Variants in WDR74 observed in about 807,000 individuals in gnomAD.
WDR74 encodes the protein WD repeat-containing protein 74.
In WDR74, 31 loss-of-function variants were observed where a neutral mutation model predicts 45.6. The observed-to-expected ratio is 0.68, with a 90% confidence interval of 0.51 to 0.92. The LOEUF (loss-of-function observed/expected upper bound fraction) is 0.92. Ranked by LOEUF, WDR74 falls within the 40% of genes least tolerant of loss-of-function variation. WDR74 has a pLI of 0.00. For synonymous variants in WDR74, 191 were observed against 192.4 expected (o/e 0.99, Z 0.06); for missense variants, 455 against 497.2 (o/e 0.92, Z 0.81).
chr11:62,838,151 C>T (rs2084985752), intron 3 of WDR74, among the ~76,000 whole-genome samples: 1 of 151,986 alleles, frequency 6.6e-6, no homozygotes, highest in South Asian at 2.1e-4. Context: ...ATGCTTAAAA[C>T]TTTTTTTGTT....
At chr11:62,833,741 G>C in intron 9 of WDR74, 51 bp downstream of exon 9, 2 of 1,602,840 alleles carry the variant, frequency 1.2e-6, no homozygotes, top group Admixed American at 3.5e-5. Context: ...GAGGGCACAG[G>C]AGGCGGGGCC....
At chr11:62,834,213 A>G in intron 8 of WDR74, 63 bp downstream of exon 8, 1 of 1,609,350 alleles carries the variant, frequency 6.2e-7, no homozygotes, top group Non-Finnish European at 8.5e-7. Context: ...GCACCACCTT[A>G]GAGGGAATCC....
Position 62,835,723 on chromosome 11 carries a change from G to C in WDR74, c.488C>G (p.Ser163Cys), listed in dbSNP as rs367719179. 1 of 1,613,916 alleles carries C rather than the reference G, an allele frequency of 6.2e-7. No individual in the cohort carries two copies. The highest frequency in any genetic ancestry group is 1.3e-5 in the African/African-American group (1 of 75,004). Residue 163 changes from serine to cysteine, a missense_variant, in exon 5 of 11, where the codon TCT (serine) becomes TGT (cysteine). By Grantham distance (112) the Ser-to-Cys change is moderately radical. Coordinates refer to ENST00000278856, the MANE Select transcript of WDR74 (RefSeq NM_001369450.1). Reference protein sequence around the residue: ...NALKIWDLQGSEEPVFRAKNV... With the variant: ...NALKIWDLQGCEEPVFRAKNV... The stretch of plus-strand genomic sequence containing the variant: ...CTTGGCCCTGAACACAGGTTCCTCA[G>C]AGCCCTGCAGGTCCCATATCTTCAA...
upstream of WDR74, chr11:62,839,743 T>A (rs769604172): frequency 1.3e-6 from 1 of 780,614 alleles, no homozygotes; most frequent in Non-Finnish European, 2.0e-6. Context: ...CTTGTTTATG[T>A]AGATCGGAAG....
At chr11:62,839,746 A>G (rs554636033), upstream of WDR74, 5 of 757,164 alleles carry the variant, frequency 6.6e-6, no homozygotes, top group Non-Finnish European at 4.2e-6. Flanking sequence ...GTTTATGTAG[A>G]TCGGAAGAAT....
chr11:62,839,727 G>A (rs1019189169), upstream of WDR74: 8 of 905,012 alleles, frequency 8.8e-6, no homozygotes, highest in Non-Finnish European at 1.3e-5. Flanking sequence ...ATGAAACCAG[G>A]AGGTGCTTGT....
At chr11:62,841,608 T>TCTCCC (rs2085059266), upstream of WDR74, 1 of 151,264 alleles carries the variant, frequency 6.6e-6, no homozygotes, top group Non-Finnish European at 1.5e-5. Context: ...ACGGTTGTTC[T>TCTCCC]CTCCCCGAAG....
upstream of WDR74, chr11:62,841,519 A>T (rs916783896): frequency 6.6e-6 from 1 of 152,084 alleles, no homozygotes; most frequent in Non-Finnish European, 1.5e-5. Context: ...CTAGCGATAA[A>T]AACACCTAAT....
intron 3 of WDR74, among the ~76,000 whole-genome samples, chr11:62,838,404 C>A (rs1446547153): frequency 1.3e-5 from 2 of 151,850 alleles, no homozygotes; most frequent in Non-Finnish European, 2.9e-5. Context: ...ATCCACCTAT[C>A]TCGGCCTTCC....
intron 6 of WDR74, 163 bp from the exon 7 acceptor site, chr11:62,834,690 T>A: frequency 1.6e-6 from 1 of 644,786 alleles, no homozygotes; most frequent in African/African-American, 1.8e-5. Context: ...CATCAGGGTG[T>A]CAGGAGAGCT....
At chr11:62,835,564 A>G in intron 5 of WDR74, 32 bp from the exon 6 acceptor site, 1 of 1,613,416 alleles carries the variant, frequency 6.2e-7, no homozygotes, top group East Asian at 2.2e-5. Flanking sequence ...GGACAGGGCT[A>G]TGGGGGGCTC....
At chr11:62,835,150 T>C (rs1264798292) in intron 6 of WDR74, 1 of 386,000 alleles carries the variant, frequency 2.6e-6, no homozygotes, top group Non-Finnish European at 4.7e-6. Context: ...CCCAGCCCAA[T>C]GTCCTCTGAC....
intron 3 of WDR74, 189 bp from the exon 4 acceptor site, chr11:62,836,225 G>GCGA: frequency 3.4e-6 from 2 of 592,604 alleles, no homozygotes; most frequent in South Asian, 2.0e-5. Flanking sequence ...AAGCCTCTAG[G>GCGA]TCACTGGGCT....
At chr11:62,840,791 G>A (rs1197047093), upstream of WDR74, among the ~76,000 whole-genome samples, 1 of 152,180 alleles carries the variant, frequency 6.6e-6, no homozygotes, top group East Asian at 1.9e-4. Context: ...TTCACACCAT[G>A]TTAGTCAGGC....
chr11:62,841,206 A>G (rs1056812241), upstream of WDR74, among the ~76,000 whole-genome samples: 4 of 152,036 alleles, frequency 2.6e-5, no homozygotes, highest in Non-Finnish European at 4.4e-5. Context: ...AGTCCCAGCC[A>G]CTCGGGAGGC....
chr11:62,837,806 G>A (rs2084981299), intron 3 of WDR74, among the ~76,000 whole-genome samples: 1 of 152,166 alleles, frequency 6.6e-6, no homozygotes, highest in African/African-American at 2.4e-5. Context: ...AAGAAAGCAA[G>A]GCCAGTCATC....
chr11:62,841,747 C>T (rs889459275), upstream of WDR74: 4 of 152,144 alleles, frequency 2.6e-5, no homozygotes, highest in Non-Finnish European at 5.9e-5. Context: ...GAGGACGTAT[C>T]AGATATTAAA....
chr11:62,836,827 C>T (rs1217846258), intron 3 of WDR74, among the ~76,000 whole-genome samples: 1 of 152,196 alleles, frequency 6.6e-6, no homozygotes, highest in African/African-American at 2.4e-5. Flanking sequence ...AATCCCAGCA[C>T]TTTGGGAGGC....
rs2085012818 is a variant in WDR74 at position 62,839,427 on chromosome 11, C to T, written c.66G>A (p.Gly22=). 6.2e-7 allele frequency: 1 copy of T among 1,613,442 alleles called. No homozygotes were observed. The highest frequency in any genetic ancestry group is 2.2e-5 in the East Asian group (1 of 44,880). ...CCGCCTGTTTTCGCTGAAGATTTAC[C>T]CCTGAGAGACGAAGGCGTCAGTCAC... ...WVGTETGILK[G]VNLQRKQAAN... is the part of the protein sequence containing the mutation. Residue 22 remains glycine (G), a splice_region_variant and synonymous_variant, in exon 2 of 11, where the codon GGG becomes GGA. Coordinates refer to ENST00000278856, the MANE Select transcript of WDR74 (RefSeq NM_001369450.1).
Sources: gnomAD v4.1 joint callset for allele counts (sites outside exome capture counted in the v4.1 genomes callset) on GRCh38, gnomAD v4.1.1 for gene constraint, MANE v1.5 for transcripts, NCBI Gene and HGNC (gene_info 2026-07-23, HGNC 2026-07-21) for gene names.